The following KCNIP4 variants were observed in gnomAD, a reference collection of about 807,000 sequenced individuals.
KCNIP4 encodes the protein Kv channel-interacting protein 4.
In KCNIP4, 12 loss-of-function variants were observed where a neutral mutation model predicts 34.0. The observed-to-expected ratio is 0.35, with a 90% CI of 0.23 to 0.57. KCNIP4 has a LOEUF of 0.57. Among genes scored for constraint, KCNIP4 ranks in the 20% least tolerant of loss-of-function variants. KCNIP4 has a pLI of 0.83. For missense variants in KCNIP4, 238 were observed against 311.7 expected (o/e 0.76, Z 1.78); for synonymous variants, 124 against 102.2 (o/e 1.21, Z -1.29).
At chr4:20,979,291 C>G (rs1422337660) in intron 1 of KCNIP4, among the ~76,000 whole-genome samples, 3 of 152,108 alleles carry the variant, frequency 2.0e-5, no homozygotes, top group African/African-American at 4.8e-5. Context: ...ACGGACAGTT[C>G]TCCCCAAGTA....
chr4:21,051,748 A>C (rs1412216054), intron 1 of KCNIP4, among the ~76,000 whole-genome samples: 1 of 152,224 alleles, frequency 6.6e-6, no homozygotes, highest in Non-Finnish European at 1.5e-5. Context: ...AGCATATTGC[A>C]AAAGATACTT....
chr4:21,327,718 C>T (rs1282214384), intron 1 of KCNIP4, among the ~76,000 whole-genome samples: 1 of 151,948 alleles, frequency 6.6e-6, no homozygotes, highest in Non-Finnish European at 1.5e-5. Flanking sequence ...ATCACGTAGG[C>T]ATCCTTTGTT....
intron 1 of KCNIP4, among the ~76,000 whole-genome samples, chr4:21,314,816 A>G (rs1004128465): frequency 7.2e-5 from 11 of 152,228 alleles, no homozygotes; most frequent in African/African-American, 2.4e-4. Context: ...TAAGGCAGAA[A>G]GAACTATCTA....
intron 1 of KCNIP4, among the ~76,000 whole-genome samples, chr4:21,281,838 A>T (rs572134600): frequency 6.6e-6 from 1 of 152,326 alleles, no homozygotes; most frequent in Admixed American, 6.5e-5. Context: ...TGAGATGGAG[A>T]TGTGGAAATA....
chr4:21,237,541 C>T (rs1036312582), intron 1 of KCNIP4, among the ~76,000 whole-genome samples: 5 of 152,036 alleles, frequency 3.3e-5, no homozygotes, highest in African/African-American at 9.6e-5. Flanking sequence ...AAAATGATAA[C>T]GGGGATATCA....
intron 1 of KCNIP4, among the ~76,000 whole-genome samples, chr4:21,320,964 T>TTAAAAAAAAAAAAAAAAAAAAAAAAAA (rs1553860312): frequency 9.7e-6 from 1 of 102,916 alleles, no homozygotes; most frequent in Non-Finnish European, 1.9e-5. Flanking sequence ...GAATCTGTCT[T>TTAAAAAAAAAAAAAAAAAAAAAAAAAA]AAAAAAAAAA....
intron 1 of KCNIP4, among the ~76,000 whole-genome samples, chr4:21,364,317 G>C (rs568173565): frequency 3.9e-5 from 6 of 152,216 alleles, no homozygotes; most frequent in South Asian, 2.1e-4. Flanking sequence ...TCAGTGCTAG[G>C]TACAGGGAGT....
chr4:20,773,843 T>G (rs1290027634), intron 3 of KCNIP4, among the ~76,000 whole-genome samples: 1 of 152,202 alleles, frequency 6.6e-6, no homozygotes, highest in African/African-American at 2.4e-5. Flanking sequence ...TCAGTCTGAA[T>G]TCACAATCAC....
At chr4:21,919,928 G>A (rs946234874) in intron 1 of KCNIP4, among the ~76,000 whole-genome samples, 22 of 152,032 alleles carry the variant, frequency 1.4e-4, no homozygotes, top group African/African-American at 4.3e-4. Flanking sequence ...ATGTCATAGC[G>A]GAGATTTATG....
At chr4:21,856,890 A>T (rs1724796190) in intron 1 of KCNIP4, among the ~76,000 whole-genome samples, 1 of 152,090 alleles carries the variant, frequency 6.6e-6, no homozygotes, top group Non-Finnish European at 1.5e-5. Context: ...CAGCACTGAC[A>T]CACCAGCCCC....
At chr4:21,540,186 C>A (rs371017543) in intron 1 of KCNIP4, among the ~76,000 whole-genome samples, 2 of 152,128 alleles carry the variant, frequency 1.3e-5, no homozygotes, top group South Asian at 2.1e-4. Flanking sequence ...GTGGCCTCAC[C>A]AAATATATTT....
intron 1 of KCNIP4, among the ~76,000 whole-genome samples, chr4:20,999,273 G>A (rs966661560): frequency 1.1e-4 from 17 of 152,228 alleles, no homozygotes; most frequent in Admixed American, 3.3e-4. Flanking sequence ...GAGTGAGTGT[G>A]TTTGGGTAGG....
chr4:20,882,400 T>C (rs1049081932), intron 2 of KCNIP4, among the ~76,000 whole-genome samples: 11 of 152,164 alleles, frequency 7.2e-5, no homozygotes, highest in Admixed American at 3.3e-4. Context: ...CAGGCTCCTG[T>C]CACTAAGACT....
chr4:21,874,091 T>G (rs1457358810), intron 1 of KCNIP4, among the ~76,000 whole-genome samples: 4 of 152,140 alleles, frequency 2.6e-5, no homozygotes, highest in Admixed American at 2.6e-4. Flanking sequence ...CAACAAGGAG[T>G]AGCACTGTTA....
rs531060235 is a variant in KCNIP4, at chr4:21,417,953, T to C, written c.61+530618A>G. On this transcript the variant is annotated intron_variant, in intron 1 of 8. Coordinates refer to ENST00000382152, the MANE Select transcript of KCNIP4 (RefSeq NM_025221.6). ...AATGGAAGTAAGTATTTAAAGGGAA[T>C]GCAGAAGCAAGATCCAATGCTCTAT... Among the ~76,000 whole-genome samples the C allele has an allele frequency of 1.2e-4, 19 of 152,252 alleles. No individual in the cohort carries two copies. In the East Asian group the frequency reaches 2.3e-3, roughly 19 times the overall value.
At chr4:21,707,616 G>A (rs1713387342) in intron 1 of KCNIP4, among the ~76,000 whole-genome samples, 1 of 152,042 alleles carries the variant, frequency 6.6e-6, no homozygotes, top group Non-Finnish European at 1.5e-5. Context: ...TGTTACAGGA[G>A]ATGGGAGCAG....
chr4:21,349,133 C>A (rs1357636839), intron 1 of KCNIP4, among the ~76,000 whole-genome samples: 1 of 152,146 alleles, frequency 6.6e-6, no homozygotes, highest in Non-Finnish European at 1.5e-5. Context: ...ATATTGGCTG[C>A]ATCACTTAAT....
chr4:21,852,204 TC>T (rs35782491), intron 1 of KCNIP4: 52,828 of 152,030 alleles, frequency 0.35, 10,939 homozygotes, highest in East Asian at 0.64. Flanking sequence ...AGAGAGTCTG[TC>T]CCGGGAAGGC....
At chr4:20,982,269 A>G (rs1435714523) in intron 1 of KCNIP4, among the ~76,000 whole-genome samples, 1 of 152,194 alleles carries the variant, frequency 6.6e-6, no homozygotes, top group African/African-American at 2.4e-5. Flanking sequence ...CAATGCACTG[A>G]AGTTGGGGGC....
Sources: allele counts gnomAD v4.1 joint callset (sites outside exome capture counted in the v4.1 genomes callset), GRCh38; gene constraint gnomAD v4.1.1; transcripts MANE v1.5; gene names NCBI Gene and HGNC (gene_info 2026-07-23, HGNC 2026-07-21).